POLR3B: variants seen among roughly 807,000 people sequenced by gnomAD.
The protein encoded by POLR3B is RNA polymerase III subunit B.
POLR3B carries 96 observed loss-of-function variants against 147.4 expected under a neutral mutation model. The ratio of observed to expected loss-of-function variants is 0.65; its 90% CI spans 0.55 to 0.77. The LOEUF is 0.77. Among genes scored for constraint, POLR3B ranks in the 30% least tolerant of loss-of-function variants. The pLI, the probability that POLR3B is intolerant of heterozygous loss-of-function variation, is 0.00. For synonymous variants in POLR3B, 461 were observed against 485.9 expected (o/e 0.95, Z 0.67); for missense variants, 1,036 against 1,413.5 (o/e 0.73, Z 4.28).
intron 26 of POLR3B, among the ~76,000 whole-genome samples, chr12:106,502,188 A>G (rs1410377382): frequency 1.3e-5 from 2 of 152,100 alleles, no homozygotes; most frequent in African/African-American, 4.8e-5. Flanking sequence ...ACTGGCATCT[A>G]GTAGGGAGAG....
At chr12:106,360,879 A>T (rs910335592) in intron 1 of POLR3B, among the ~76,000 whole-genome samples, 2 of 152,234 alleles carry the variant, frequency 1.3e-5, no homozygotes, top group Non-Finnish European at 2.9e-5. Flanking sequence ...AACATGCAAT[A>T]GGTACTGTGA....
intron 9 of POLR3B, among the ~76,000 whole-genome samples, chr12:106,387,144 A>G (rs1026923456): frequency 7.9e-5 from 12 of 152,204 alleles, no homozygotes; most frequent in Non-Finnish European, 1.3e-4. Flanking sequence ...AAGTATATCT[A>G]CATTTTTGGA....
chr12:106,430,244 A>G (rs2037489501), intron 13 of POLR3B, 29 bp from the exon 14 acceptor site: 1 of 1,565,010 alleles, frequency 6.4e-7, no homozygotes, highest in Non-Finnish European at 8.8e-7. Flanking sequence ...TGGGTTAGGA[A>G]TAGTCTTATG....
At chr12:106,453,974 T>G (rs2037832616) in intron 19 of POLR3B, among the ~76,000 whole-genome samples, 1 of 152,234 alleles carries the variant, frequency 6.6e-6, no homozygotes, top group African/African-American at 2.4e-5. Flanking sequence ...AAATGCATAA[T>G]CCACTCTTCC....
rs562793697 is a variant in POLR3B, at chr12:106,460,684, G to GTTCTTC, written c.2570+1316_2570+1317insTTCTTC. Among the ~76,000 whole-genome samples, 146 of 152,256 alleles carry GTTCTTC rather than the reference G, an allele frequency of 9.6e-4. 1 individual carries two copies. Among genetic ancestry groups the GTTCTTC allele is most frequent in the African/African-American group, 3.3e-3 (139 of 41,548 alleles). ...TGGCTCTCTTCCCGTCTTGAAGGAGGATATCTCTTTTTCTGTGCGAAGTTC... is the reference window on the plus strand; with the variant it reads ...TGGCTCTCTTCCCGTCTTGAAGGAGGTTCTTCATATCTCTTTTTCTGTGCGAAGTTC... On this transcript the variant is annotated intron_variant, in intron 22 of 27. Coordinates refer to ENST00000228347, the MANE Select transcript of POLR3B (RefSeq NM_018082.6).
At chr12:106,414,049 A>G (rs2037266606) in intron 12 of POLR3B, among the ~76,000 whole-genome samples, 1 of 151,424 alleles carries the variant, frequency 6.6e-6, no homozygotes, top group African/African-American at 2.4e-5. Flanking sequence ...AGATTTACAT[A>G]GCTTTTTTTA....
At chr12:106,411,068 G>T in intron 12 of POLR3B, 108 bp downstream of exon 12, 1 of 1,067,262 alleles carries the variant, frequency 9.4e-7, no homozygotes. Flanking sequence ...TTGCAGGTTT[G>T]AAGTATAAAC....
At chr12:106,456,371 G>A (rs976177807) in intron 20 of POLR3B, among the ~76,000 whole-genome samples, 1 of 151,732 alleles carries the variant, frequency 6.6e-6, no homozygotes, top group African/African-American at 2.4e-5. Context: ...TTTTCTTGAT[G>A]TTTAGATTGT....
At chr12:106,379,970 G>A in intron 8 of POLR3B, 61 bp from the exon 9 acceptor site, 1 of 893,462 alleles carries the variant, frequency 1.1e-6, no homozygotes, top group Admixed American at 1.7e-5. Flanking sequence ...TGCTATTATT[G>A]CATGTTACTA....
chr12:106,376,931 C>T (rs1255547592), intron 7 of POLR3B, among the ~76,000 whole-genome samples: 1 of 152,140 alleles, frequency 6.6e-6, no homozygotes, highest in Non-Finnish European at 1.5e-5. Flanking sequence ...CAAAGACATA[C>T]TGTTTCCTCT....
chr12:106,359,044 C>G (rs1183611570), intron 1 of POLR3B, among the ~76,000 whole-genome samples: 1 of 152,092 alleles, frequency 6.6e-6, no homozygotes, highest in Non-Finnish European at 1.5e-5. Flanking sequence ...ATGGCAAAAC[C>G]CTGTTTCTAC....
At chr12:106,367,670 G>A (rs1161557520) in intron 4 of POLR3B, among the ~76,000 whole-genome samples, 1 of 152,082 alleles carries the variant, frequency 6.6e-6, no homozygotes, top group Non-Finnish European at 1.5e-5. Context: ...GATTCGTATT[G>A]GGGTTACAGA....
intron 12 of POLR3B, among the ~76,000 whole-genome samples, chr12:106,417,196 G>A (rs530985677): frequency 2.0e-5 from 3 of 152,196 alleles, no homozygotes; most frequent in Non-Finnish European, 4.4e-5. Flanking sequence ...ATTTGAATAA[G>A]GAGAAGTTGC....
intron 23 of POLR3B, among the ~76,000 whole-genome samples, chr12:106,469,557 C>G (rs2038058821): frequency 6.6e-6 from 1 of 152,150 alleles, no homozygotes; most frequent in Non-Finnish European, 1.5e-5. Context: ...ATGGTCTTTA[C>G]AATTTGGCAT....
intron 20 of POLR3B, among the ~76,000 whole-genome samples, chr12:106,456,557 A>G (rs892871066): frequency 5.9e-5 from 9 of 152,150 alleles, no homozygotes; most frequent in African/African-American, 1.9e-4. Context: ...TTGTTGGCTT[A>G]GAACTTGCTC....
chr12:106,504,124 G>A lies in POLR3B; in HGVS notation c.3142G>A (p.Gly1048Arg), dbSNP rs761337432. The A allele has an allele frequency of 1.2e-6, 2 of 1,614,012 alleles. No homozygotes were observed. Among genetic ancestry groups the A allele is most frequent in the African/African-American group, 1.3e-5 (1 of 74,908 alleles). The change falls in exon 27 of 28, where the codon GGG becomes AGG. Residue 1048 changes from glycine (G) to arginine (R), a missense_variant. By Grantham distance (125) the Gly-to-Arg change is moderately radical. Coordinates refer to ENST00000228347, the MANE Select transcript of POLR3B (RefSeq NM_018082.6). The surrounding 1 kb of genome is among the most constrained non-coding windows in gnomAD (Gnocchi z 4.6). Reference sequence around the variant, plus strand: ...GTCTCGTGATGGTGGCTTGCGTCTCGGGGAAATGGAACGTGACTGTTTAAT... The same window carrying A: ...GTCTCGTGATGGTGGCTTGCGTCTCAGGGAAATGGAACGTGACTGTTTAAT... ...GRSRDGGLRLGEMERDCLIGY... is the reference protein window; with the variant it reads ...GRSRDGGLRLREMERDCLIGY...
chr12:106,448,646 G>T (rs1319479868), intron 19 of POLR3B, among the ~76,000 whole-genome samples: 1 of 151,260 alleles, frequency 6.6e-6, no homozygotes, highest in Non-Finnish European at 1.5e-5. Flanking sequence ...CACCATGTTG[G>T]CTAGGCTGGT....
chr12:106,407,108 C>G (rs1237541139), intron 11 of POLR3B, among the ~76,000 whole-genome samples: 1 of 152,138 alleles, frequency 6.6e-6, no homozygotes, highest in East Asian at 1.9e-4. Context: ...TGATTTAATC[C>G]AAATAATTAG....
intron 27 of POLR3B, among the ~76,000 whole-genome samples, chr12:106,506,860 AT>A (rs2038695921): frequency 6.6e-6 from 1 of 152,020 alleles, no homozygotes; most frequent in Non-Finnish European, 1.5e-5. Context: ...TGATGCTGTC[AT>A]TTTTCCCATC....
Sources: allele counts gnomAD v4.1 joint callset (sites outside exome capture counted in the v4.1 genomes callset), GRCh38; gene constraint gnomAD v4.1.1; non-coding constraint Gnocchi (gnomAD v3.1); transcripts MANE v1.5; gene names NCBI Gene and HGNC (gene_info 2026-07-23, HGNC 2026-07-21).